The following MAGI2 variants were observed in gnomAD, a reference collection of about 807,000 sequenced individuals.
MAGI2 encodes the protein membrane associated guanylate kinase, WW and PDZ domain containing 2.
Under a neutral mutation model 133.3 loss-of-function variants are expected in MAGI2, and 35 were observed. The ratio of observed to expected loss-of-function variants is 0.26; its 90% CI spans 0.20 to 0.35. The LOEUF (loss-of-function observed/expected upper bound fraction) is 0.35, where lower values mean the gene tolerates loss of function less well. Among genes scored for constraint, MAGI2 ranks in the 10% least tolerant of loss-of-function variants. The pLI, the probability that MAGI2 is intolerant of heterozygous loss-of-function variation, is 1.00. For synonymous variants in MAGI2, 729 were observed against 710.6 expected (o/e 1.03, Z -0.41); for missense variants, 1,636 against 1,863.4 (o/e 0.88, Z 2.25).
intron 2 of MAGI2, among the ~76,000 whole-genome samples, chr7:78,632,900 A>G (rs1054452570): frequency 2.0e-5 from 3 of 152,228 alleles, no homozygotes; most frequent in Non-Finnish European, 2.9e-5. Flanking sequence ...TGGGTATATA[A>G]CCAGAGTAAT....
intron 6 of MAGI2, among the ~76,000 whole-genome samples, chr7:78,396,564 G>A (rs778787732): frequency 2.6e-5 from 4 of 152,008 alleles, no homozygotes; most frequent in Non-Finnish European, 5.9e-5. Flanking sequence ...AATAGCTACC[G>A]CCTTTCCTTC....
intron 6 of MAGI2, among the ~76,000 whole-genome samples, chr7:78,443,608 A>G (rs1441455179): frequency 6.6e-6 from 1 of 152,168 alleles, no homozygotes; most frequent in Non-Finnish European, 1.5e-5. Context: ...CTGTATTATT[A>G]AAGCCATTTT....
At chr7:78,704,474 T>A (rs889238491) in intron 2 of MAGI2, among the ~76,000 whole-genome samples, 8 of 152,032 alleles carry the variant, frequency 5.3e-5, no homozygotes, top group Admixed American at 3.3e-4. Flanking sequence ...GGTACAAGGG[T>A]AAAATAGTTC....
intron 3 of MAGI2, among the ~76,000 whole-genome samples, chr7:78,601,308 A>T (rs940594791): frequency 6.6e-6 from 1 of 152,134 alleles, no homozygotes; most frequent in African/African-American, 2.4e-5. Context: ...AGAAAGTAGA[A>T]CACAAGTTGG....
chr7:79,123,723 T>G (rs1584982212), intron 1 of MAGI2, among the ~76,000 whole-genome samples: 2 of 140,122 alleles, frequency 1.4e-5, no homozygotes, highest in African/African-American at 2.6e-5. Context: ...GAGGCAGAGG[T>G]TGCAGTGAGC....
intron 1 of MAGI2, among the ~76,000 whole-genome samples, chr7:79,132,919 T>C (rs1407256034): frequency 6.6e-6 from 1 of 152,192 alleles, no homozygotes; most frequent in Non-Finnish European, 1.5e-5. Flanking sequence ...GAGCATTTTT[T>C]CCTATGTTTG....
Position 79,137,851 on chromosome 7 carries a change from A to T in MAGI2, c.302-130645T>A, listed in dbSNP as rs73369384. Reference sequence around the variant, plus strand: ...TATGTCTTCATCTCAGGAACCTGTGAATATGTTACCATACGTGGCACACAG... The same window carrying T: ...TATGTCTTCATCTCAGGAACCTGTGTATATGTTACCATACGTGGCACACAG... On this transcript the variant is annotated intron_variant, in intron 1 of 21. Coordinates refer to ENST00000354212, the MANE Select transcript of MAGI2 (RefSeq NM_012301.4). Among the ~76,000 whole-genome samples, 350 of 152,194 alleles carry T rather than the reference A, an allele frequency of 2.3e-3. 3 individuals carry two copies. The highest frequency in any genetic ancestry group is 7.8e-3 in the African/African-American group (324 of 41,518).
intron 1 of MAGI2, among the ~76,000 whole-genome samples, chr7:79,123,659 G>A (rs1214908176): frequency 1.3e-5 from 2 of 151,686 alleles, no homozygotes; most frequent in African/African-American, 4.8e-5. Context: ...GGTGGGGTGT[G>A]CCTGTAATCC....
chr7:78,667,792 A>G (rs1042119988), intron 2 of MAGI2, among the ~76,000 whole-genome samples: 13 of 151,888 alleles, frequency 8.6e-5, no homozygotes, highest in African/African-American at 3.1e-4. Flanking sequence ...GTCTATCATT[A>G]TTGGACATTT....
intron 14 of MAGI2, among the ~76,000 whole-genome samples, chr7:78,176,959 T>C (rs1425112232): frequency 1.1e-5 from 1 of 88,322 alleles, no homozygotes; most frequent in Non-Finnish European, 2.9e-5. Flanking sequence ...ACATATATAG[T>C]ATATTTCCTG....
chr7:78,732,180 A>G (rs949685848), intron 2 of MAGI2, among the ~76,000 whole-genome samples: 2 of 152,106 alleles, frequency 1.3e-5, no homozygotes, highest in Non-Finnish European at 2.9e-5. Context: ...TCACCAACTA[A>G]AGGTAGGTGG....
chr7:78,490,791 A>G (rs1480090795), intron 5 of MAGI2, among the ~76,000 whole-genome samples: 2 of 152,092 alleles, frequency 1.3e-5, no homozygotes, highest in Non-Finnish European at 2.9e-5. Context: ...TTTACTGTGT[A>G]CAGCTGTCTC....
In MAGI2 at chr7:78,038,898, G is replaced by T. The variant is rs114768380; in HGVS notation, c.3707-18922C>A. On this transcript the variant is annotated intron_variant, in intron 21 of 21. Transcript: ENST00000354212. ...TGAGCCAAACTCACGTCACGTTACC[G>T]GCATAGCCAGGACAGGACAACAACA... is the stretch of plus-strand genomic sequence containing the variant. Among the ~76,000 whole-genome samples the T allele has an allele frequency of 3.1e-3, 475 of 152,326 alleles. 4 individuals carry two copies. The highest frequency in any genetic ancestry group is 0.011 in the African/African-American group (456 of 41,578).
intron 2 of MAGI2, among the ~76,000 whole-genome samples, chr7:78,870,238 T>C (rs2151519604): frequency 6.6e-6 from 1 of 151,730 alleles, no homozygotes; most frequent in African/African-American, 2.4e-5. Flanking sequence ...TCCCAGCTAC[T>C]TGGGAGGCTG....
At chr7:78,479,696 T>C (rs1792159105) in intron 6 of MAGI2, among the ~76,000 whole-genome samples, 2 of 151,880 alleles carry the variant, frequency 1.3e-5, no homozygotes, top group South Asian at 4.1e-4. Flanking sequence ...AAATGGTCTG[T>C]ATAATGAATG....
intron 1 of MAGI2, among the ~76,000 whole-genome samples, chr7:79,293,921 G>A (rs1037486935): frequency 6.6e-6 from 1 of 152,198 alleles, no homozygotes; most frequent in Non-Finnish European, 1.5e-5. Context: ...GGTGGCTCTT[G>A]CCTGTAATCC....
intron 7 of MAGI2, among the ~76,000 whole-genome samples, chr7:78,360,158 G>C (rs1421497621): frequency 6.6e-6 from 1 of 152,170 alleles, no homozygotes; most frequent in African/African-American, 2.4e-5. Context: ...GCATTGGTTT[G>C]ACTTCCTCAG....
At chr7:78,257,354 A>C (rs1181290439) in intron 9 of MAGI2, among the ~76,000 whole-genome samples, 1 of 152,212 alleles carries the variant, frequency 6.6e-6, no homozygotes, top group Non-Finnish European at 1.5e-5. Flanking sequence ...TGTTGTTAAA[A>C]TAGGATGGAG....
chr7:79,085,676 C>A (rs1402871471), intron 1 of MAGI2, among the ~76,000 whole-genome samples: 1 of 151,914 alleles, frequency 6.6e-6, no homozygotes, highest in Non-Finnish European at 1.5e-5. Context: ...CATTGAGTAT[C>A]TTTCCTGGAC....
Sources: allele counts gnomAD v4.1 joint callset (sites outside exome capture counted in the v4.1 genomes callset), GRCh38; gene constraint gnomAD v4.1.1; transcripts MANE v1.5; gene names NCBI Gene and HGNC (gene_info 2026-07-23, HGNC 2026-07-21).